LMX1A: variants seen among roughly 807,000 people sequenced by gnomAD.
LMX1A encodes LIM homeobox transcription factor 1-alpha.
A neutral mutation model predicts 49.1 loss-of-function variants in LMX1A; 15 were observed. The observed-to-expected ratio is 0.31, with a 90% CI of 0.20 to 0.47. The LOEUF is 0.47. Ranked by LOEUF, LMX1A falls within the 20% of genes least tolerant of loss-of-function variation. The probability of loss-of-function intolerance (pLI) is 1.00; values close to 1 mark genes in which losing one functional copy is unlikely to be tolerated. For synonymous variants in LMX1A, 167 were observed against 185.7 expected, an observed-to-expected ratio of 0.90 and a Z score of 0.82; for missense variants, 372 against 475.8, an observed-to-expected ratio of 0.78 and a Z score of 2.03.
chr1:165,240,742 T>C (rs1303591390), intron 4 of LMX1A, among the ~76,000 whole-genome samples: 1 of 152,200 alleles, frequency 6.6e-6, no homozygotes, highest in Non-Finnish European at 1.5e-5. Context: ...TTCAATGTCC[T>C]TTCTGGACTC....
At chr1:165,293,041 C>T (rs926125137) in intron 3 of LMX1A, among the ~76,000 whole-genome samples, 2 of 151,248 alleles carry the variant, frequency 1.3e-5, no homozygotes, top group African/African-American at 2.4e-5. Flanking sequence ...CGCTTGAACC[C>T]GGGAGGTGGA....
chr1:165,231,705 A>G lies in LMX1A; in HGVS notation c.496+17703T>C, dbSNP rs572539206. On this transcript the variant is annotated intron_variant, in intron 4 of 8. Coordinates refer to ENST00000342310, the MANE Select transcript of LMX1A (RefSeq NM_177398.4). ...ATGAACCTGTGTTTGGTGCAAAATT[A>G]TAGTTGTTGTTATTTTATCTGACTA... Among the ~76,000 whole-genome samples, 13 of 152,302 alleles carry G rather than the reference A, an allele frequency of 8.5e-5. No homozygotes were observed. In the South Asian group the frequency reaches 2.7e-3, roughly 32 times the overall value.
chr1:165,205,953 A>C lies in LMX1A; in HGVS notation c.899T>G (p.Leu300Arg). 1 of 1,613,900 alleles carries C rather than the reference A, an allele frequency of 6.2e-7. No homozygotes were observed. The highest frequency in any genetic ancestry group is 1.3e-5 in the African/African-American group (1 of 75,022). ...YTALPTPQQL[L>R]AIEQSVYSSD... Reference sequence around the variant, plus strand: ...GCTGTAGACACTCTGCTCGATGGCCAGGAGCTGCTGTGGGGTGGGCAGAGC... The same window carrying C: ...GCTGTAGACACTCTGCTCGATGGCCCGGAGCTGCTGTGGGGTGGGCAGAGC... The change falls in exon 8 of 9, where the codon CTG becomes CGG. Residue 300 changes from leucine (L) to arginine (R), a missense_variant. By Grantham distance (102) the Leu-to-Arg change is moderately radical. This residue lies in a region of LMX1A where 127 missense variants were observed against 138.0 expected (regional missense o/e 0.92). Transcript: ENST00000342310.
At chr1:165,226,658 C>T (rs1325199505) in intron 4 of LMX1A, among the ~76,000 whole-genome samples, 1 of 152,188 alleles carries the variant, frequency 6.6e-6, no homozygotes, top group Non-Finnish European at 1.5e-5. Context: ...TGAGCTTAAC[C>T]TTGCTGTCAG....
Position 165,208,054 on chromosome 1 carries a change from C to G in LMX1A, c.817+9G>C, listed in dbSNP as rs774304455. The G allele has an allele frequency of 1.9e-6, 3 of 1,613,144 alleles. No homozygotes were observed. The highest frequency in any genetic ancestry group is 2.5e-6 in the Non-Finnish European group (3 of 1,179,698). On this transcript the variant is annotated intron_variant, in intron 7 of 8. Transcript: ENST00000342310. ...AGCCAGAACTGCCTGGGAGGAGGCA[C>G]CAGCTTACCAGAGCTCAGCCTCTGG...
At chr1:165,256,275 G>A (rs1028766678) in intron 3 of LMX1A, among the ~76,000 whole-genome samples, 3 of 152,136 alleles carry the variant, frequency 2.0e-5, no homozygotes, top group Non-Finnish European at 4.4e-5. Flanking sequence ...TGAGAAATCT[G>A]GGCTCAAAAG....
intron 3 of LMX1A, among the ~76,000 whole-genome samples, chr1:165,276,519 A>G (rs560945448): frequency 6.6e-6 from 1 of 152,360 alleles, no homozygotes; most frequent in Admixed American, 6.5e-5. Flanking sequence ...ATGAACAGCC[A>G]GTGGCCCTAC....
At chr1:165,323,748 C>A (rs79006217) in intron 3 of LMX1A, among the ~76,000 whole-genome samples, 1 of 152,250 alleles carries the variant, frequency 6.6e-6, no homozygotes, top group East Asian at 1.9e-4. Flanking sequence ...TAAGTCCTTG[C>A]GTGTTTAATT....
intron 3 of LMX1A, among the ~76,000 whole-genome samples, chr1:165,336,160 G>T (rs753819489): frequency 6.6e-6 from 1 of 152,104 alleles, no homozygotes; most frequent in Non-Finnish European, 1.5e-5. Flanking sequence ...AGATGTTAAC[G>T]GAGCTGGGAT....
chr1:165,355,634 C>T lies in LMX1A; in HGVS notation c.-22-53G>A, dbSNP rs1056919493. 8 of 1,378,128 alleles carry T rather than the reference C, an allele frequency of 5.8e-6. No individual in the cohort carries two copies. The African/African-American group carries it at 1.0e-4, about 17-fold the overall frequency. The allele number at this position is 1,378,128 out of a possible 1,614,324, so 85.4% of individuals were successfully genotyped here. Reference sequence around the variant, plus strand: ...GACGTCCGTGCCCGCTGGGACTCGGCGCCAGCAGCCACCGCACTCCTGGGA... The same window carrying T: ...GACGTCCGTGCCCGCTGGGACTCGGTGCCAGCAGCCACCGCACTCCTGGGA... On this transcript the variant is annotated intron_variant, in intron 1 of 8. Coordinates refer to ENST00000342310, the MANE Select transcript of LMX1A (RefSeq NM_177398.4). The surrounding 1 kb of genome is among the most constrained non-coding windows in gnomAD (Gnocchi z 4.7).
At chr1:165,242,694 G>T (rs1396397546) in intron 4 of LMX1A, among the ~76,000 whole-genome samples, 3 of 151,258 alleles carry the variant, frequency 2.0e-5, no homozygotes, top group African/African-American at 7.3e-5. Flanking sequence ...GCCTAACATG[G>T]TGAAACCCCA....
chr1:165,226,090 G>C (rs1267112469), intron 4 of LMX1A, among the ~76,000 whole-genome samples: 1 of 152,152 alleles, frequency 6.6e-6, no homozygotes, highest in Non-Finnish European at 1.5e-5. Context: ...GTGAGGACAA[G>C]TATAACGTAA....
chr1:165,291,495 A>C (rs993718517), intron 3 of LMX1A, among the ~76,000 whole-genome samples: 1 of 152,186 alleles, frequency 6.6e-6, no homozygotes. Context: ...GAGGCAAATA[A>C]ACTGGAGCAT....
Position 165,264,969 on chromosome 1 carries a change from C to T in LMX1A, c.264-15329G>A, listed in dbSNP as rs60619140. On this transcript the variant is annotated intron_variant, in intron 3 of 8. Transcript: ENST00000342310. ...CTGTAATCCCAGCACTTTGGGAGGC[C>T]GAGGCAGGCAGATCACGAGGCCAGG... Among the ~76,000 whole-genome samples the T allele has an allele frequency of 5.3e-5, 8 of 151,902 alleles. No homozygotes were observed. The East Asian group carries it at 9.7e-4, about 18-fold the overall frequency.
chr1:165,330,398 G>T (rs1439245849), intron 3 of LMX1A, among the ~76,000 whole-genome samples: 2 of 152,224 alleles, frequency 1.3e-5, no homozygotes, highest in African/African-American at 4.8e-5. Flanking sequence ...TTGAACCCAG[G>T]AGGTTGAGGT....
intron 2 of LMX1A, 129 bp from the exon 3 acceptor site, chr1:165,353,391 C>T: frequency 2.8e-6 from 2 of 707,446 alleles, no homozygotes; most frequent in Non-Finnish European, 2.3e-6. Flanking sequence ...CAGGGAACTC[C>T]TGCTAATCAA....
At chr1:165,352,518 G>C (rs67130162) in intron 3 of LMX1A, among the ~76,000 whole-genome samples, 30,731 of 152,208 alleles carry the variant, frequency 0.2, 3,447 homozygotes, top group African/African-American at 0.29. Flanking sequence ...TGGCAGCAGA[G>C]CCATTTCCGA....
intron 3 of LMX1A, among the ~76,000 whole-genome samples, chr1:165,277,792 A>C (rs1177480005): frequency 6.6e-6 from 1 of 152,144 alleles, no homozygotes; most frequent in Non-Finnish European, 1.5e-5. Context: ...ATCTGATGTC[A>C]TTTGGGGCAA....
At chr1:165,281,105 G>T (rs1654133188) in intron 3 of LMX1A, among the ~76,000 whole-genome samples, 1 of 152,088 alleles carries the variant, frequency 6.6e-6, no homozygotes, top group South Asian at 2.1e-4. Flanking sequence ...AAGATTCTGT[G>T]TTAGGAACCT....
Sources: gnomAD v4.1 joint callset for allele counts (sites outside exome capture counted in the v4.1 genomes callset) on GRCh38, gnomAD v4.1.1 for gene constraint, gnomAD v4.1.1 regional missense constraint, Gnocchi (gnomAD v3.1) non-coding constraint, MANE v1.5 for transcripts, NCBI Gene and HGNC (gene_info 2026-07-23, HGNC 2026-07-21) for gene names.